Variants in LAPTM5 observed in about 807,000 individuals in gnomAD.
The protein encoded by LAPTM5 is lysosomal protein transmembrane 5, also known as lysosomal-associated transmembrane protein 5.
A neutral mutation model predicts 30.1 loss-of-function variants in LAPTM5; 11 were observed. The observed-to-expected ratio is 0.37, with a 90% CI of 0.23 to 0.60. LAPTM5 has a LOEUF of 0.60. LAPTM5 is among the 20% of genes least tolerant of loss of function. The probability of loss-of-function intolerance (pLI) is 0.71; values close to 1 mark genes in which losing one functional copy is unlikely to be tolerated. For synonymous variants in LAPTM5, 151 were observed against 137.9 expected (o/e 1.10, Z -0.67); for missense variants, 324 against 332.5 (o/e 0.97, Z 0.20).
intron 1 of LAPTM5, among the ~76,000 whole-genome samples, chr1:30,750,989 G>A (rs1004450948): frequency 6.6e-6 from 1 of 152,234 alleles, no homozygotes; most frequent in Non-Finnish European, 1.5e-5. Context: ...GGGGTCCCCT[G>A]GGAAACCAAC....
rs746167830 is a variant in LAPTM5, at chr1:30,742,437, C to CG, written c.181+18dup. On this transcript the variant is annotated intron_variant, in intron 2 of 7. Coordinates refer to ENST00000294507, the MANE Select transcript of LAPTM5 (RefSeq NM_006762.3). ...TGTCCTCCTCCCCCCGCCACTCCAC[C>CG]GGCGTCCCCTGGACCTACCGATCCT... 4.9e-5 allele frequency: 78 copies of CG among 1,593,602 alleles called. No homozygotes were observed. Among genetic ancestry groups the CG allele is most frequent in the Non-Finnish European group, 6.4e-5 (75 of 1,164,792 alleles).
At chr1:30,736,833 C>T (rs1292997889) in intron 6 of LAPTM5, among the ~76,000 whole-genome samples, 1 of 152,182 alleles carries the variant, frequency 6.6e-6, no homozygotes, top group Non-Finnish European at 1.5e-5. Context: ...CATCAGCATC[C>T]CTGTGGCTTC....
Position 30,746,440 on chromosome 1 carries a change from C to T in LAPTM5, c.88-3891G>A, listed in dbSNP as rs1241506622. ...ACCTACAGAGTATGCAGACAGTCAA[C>T]ATTTCCAAGCCTCCAAGCCCTTGCC... is the stretch of plus-strand genomic sequence containing the variant. On this transcript the variant is annotated intron_variant, in intron 1 of 7. Transcript: ENST00000294507. This position sits in a 1 kb window ranked among gnomAD's most constrained non-coding sequence, Gnocchi z 4.0. 6.6e-6 allele frequency among the ~76,000 whole-genome samples: 1 copy of T among 152,088 alleles called. No homozygotes were observed. Among genetic ancestry groups the T allele is most frequent in the Non-Finnish European group, 1.5e-5 (1 of 68,020 alleles).
At chr1:30,750,646 C>T (rs1329379339) in intron 1 of LAPTM5, among the ~76,000 whole-genome samples, 1 of 152,226 alleles carries the variant, frequency 6.6e-6, no homozygotes, top group Non-Finnish European at 1.5e-5. Flanking sequence ...CTGACCCCCT[C>T]CCCCATCCCA....
chr1:30,749,754 G>C (rs1190577815), intron 1 of LAPTM5, among the ~76,000 whole-genome samples: 1 of 152,182 alleles, frequency 6.6e-6, no homozygotes, highest in African/African-American at 2.4e-5. Context: ...TCCAGGCAGA[G>C]GAAAGGGCAT....
intron 1 of LAPTM5, among the ~76,000 whole-genome samples, chr1:30,751,003 C>T (rs960045463): frequency 6.6e-6 from 1 of 152,232 alleles, no homozygotes; most frequent in Non-Finnish European, 1.5e-5. Context: ...AACCAACGCT[C>T]GCCTCACAGT....
chr1:30,748,729 A>G (rs2124193707), intron 1 of LAPTM5, among the ~76,000 whole-genome samples: 1 of 152,258 alleles, frequency 6.6e-6, no homozygotes, highest in Non-Finnish European at 1.5e-5. Context: ...GCAGCTCCCC[A>G]GAGCCTGGCT....
intron 6 of LAPTM5, among the ~76,000 whole-genome samples, chr1:30,736,989 G>A (rs1463970813): frequency 6.6e-6 from 1 of 152,018 alleles, no homozygotes; most frequent in Admixed American, 6.5e-5. Flanking sequence ...TGGGTTTTGT[G>A]GGGGTTTTTT....
intron 1 of LAPTM5, among the ~76,000 whole-genome samples, chr1:30,747,142 C>T (rs752565312): frequency 6.6e-6 from 1 of 152,134 alleles, no homozygotes; most frequent in Non-Finnish European, 1.5e-5. Context: ...GAGAATTTCA[C>T]CAACAGGAAA....
intron 1 of LAPTM5, among the ~76,000 whole-genome samples, chr1:30,752,268 G>A (rs1640148074): frequency 6.6e-6 from 1 of 152,180 alleles, no homozygotes; most frequent in Non-Finnish European, 1.5e-5. Flanking sequence ...GCAAGTAAGG[G>A]GCCCTGCTGG....
chr1:30,739,017 A>G lies in LAPTM5; in HGVS notation c.433T>C (p.Cys145Arg). 1.2e-6 allele frequency: 2 copies of G among 1,607,088 alleles called. No homozygotes were observed. The highest frequency in any genetic ancestry group is 1.7e-6 in the Non-Finnish European group (2 of 1,176,750). Residue 145 changes from cysteine to arginine, a missense_variant, in exon 5 of 8, where the codon TGC becomes CGC. Transcript: ENST00000294507. This position sits in a 1 kb window ranked among gnomAD's most constrained non-coding sequence, Gnocchi z 4.2. ...CTGCAGAGGGTCAGGATGCTCAGGC[A>G]GAAGTCCAGCAGCTGCAGCGTCATC... ...PLMTLQLLDFCLSILTLCSSY... is the reference protein window; with the variant it reads ...PLMTLQLLDFRLSILTLCSSY...
intron 1 of LAPTM5, among the ~76,000 whole-genome samples, chr1:30,748,288 C>CG (rs1304403411): frequency 6.6e-6 from 1 of 152,100 alleles, no homozygotes; most frequent in Admixed American, 6.5e-5. Flanking sequence ...AAGACAGGCC[C>CG]GGGCTTGTCT....
intron 1 of LAPTM5, among the ~76,000 whole-genome samples, chr1:30,753,908 G>A (rs186963133): frequency 2.0e-5 from 3 of 152,302 alleles, no homozygotes; most frequent in African/African-American, 4.8e-5. Context: ...ATCTAAAACC[G>A]TTCTAAGTAC....
chr1:30,746,891 C>T lies in LAPTM5; in HGVS notation c.88-4342G>A, dbSNP rs1640054807. Among the ~76,000 whole-genome samples the T allele has an allele frequency of 6.6e-6, 1 of 152,214 alleles. No individual in the cohort carries two copies. Among genetic ancestry groups the T allele is most frequent in the Non-Finnish European group, 1.5e-5 (1 of 68,038 alleles). ...GGGCACACAGCAGGTGCACCATAAA[C>T]AAGCACAATTGGGTGGTGGTTTTTG... On this transcript the variant is annotated intron_variant, in intron 1 of 7. Coordinates refer to ENST00000294507, the MANE Select transcript of LAPTM5 (RefSeq NM_006762.3). This position sits in a 1 kb window ranked among gnomAD's most constrained non-coding sequence, Gnocchi z 4.0.
chr1:30,741,587 TG>T (rs1430739050), intron 3 of LAPTM5, 52 bp downstream of exon 3: 5 of 1,373,610 alleles, frequency 3.6e-6, no homozygotes, highest in Non-Finnish European at 5.0e-6. Flanking sequence ...CCACCACCAG[TG>T]GGTGTGAATA....
chr1:30,740,399 T>TCCCCCCCCCCCCCCCCCCCC (rs148522746), intron 3 of LAPTM5, among the ~76,000 whole-genome samples: 3 of 103,190 alleles, frequency 2.9e-5, no homozygotes, highest in Admixed American at 9.6e-5. Context: ...AGAGAGCCCC[T>TCCCCCCCCCCCCCCCCCCCC]CCCCCCCACC....
At chr1:30,751,541 C>T (rs1197853897) in intron 1 of LAPTM5, among the ~76,000 whole-genome samples, 2 of 152,200 alleles carry the variant, frequency 1.3e-5, no homozygotes, top group East Asian at 3.8e-4. Flanking sequence ...GAGTTCAAGA[C>T]CAGCCTGGCC....
intron 7 of LAPTM5, among the ~76,000 whole-genome samples, 172 bp from the exon 8 acceptor site, chr1:30,734,089 C>T (rs562293104): frequency 2.9e-4 from 44 of 152,318 alleles, no homozygotes; most frequent in Non-Finnish European, 5.1e-4. Flanking sequence ...AGGTGCAGTT[C>T]CCAGCCCTGT....
chr1:30,742,711 C>T (rs1394834949), intron 1 of LAPTM5, among the ~76,000 whole-genome samples, 162 bp from the exon 2 acceptor site: 3 of 152,186 alleles, frequency 2.0e-5, no homozygotes, highest in African/African-American at 7.2e-5. Context: ...GTGGCCTTTA[C>T]ACACAGAGAG....
Sources: gnomAD v4.1 joint callset for allele counts (sites outside exome capture counted in the v4.1 genomes callset) on GRCh38, gnomAD v4.1.1 for gene constraint, Gnocchi (gnomAD v3.1) non-coding constraint, MANE v1.5 for transcripts, NCBI Gene and HGNC (gene_info 2026-07-23, HGNC 2026-07-21) for gene names.